Variants in AKR1E2 observed in about 807,000 individuals in gnomAD.
The protein encoded by AKR1E2 is 1,5-anhydro-D-fructose reductase.
AKR1E2 carries 43 observed loss-of-function variants against 41.9 expected under a neutral mutation model. The observed-to-expected ratio is 1.03, with a 90% CI of 0.80 to 1.32. AKR1E2 has a LOEUF of 1.32. Among genes scored for constraint, AKR1E2 ranks in the 40% most tolerant of loss-of-function variants. AKR1E2 has a pLI of 0.00. For synonymous variants in AKR1E2, 121 were observed against 138.9 expected, an observed-to-expected ratio of 0.87 and a Z score of 0.91; for missense variants, 423 against 396.5, an observed-to-expected ratio of 1.07 and a Z score of -0.57.
At position 4,835,925 on chromosome 10, in the gene AKR1E2, G is replaced by T. The variant is rs900026373; in HGVS notation, c.459+116G>T. The stretch of plus-strand genomic sequence containing the variant: ...TCAAGGTTGTCTACCTGAGATGTGG[G>T]GTTTGTGGAGCAAAAAAGGAATCAA... On this transcript the variant is annotated intron_variant, in intron 4 of 9. Transcript: ENST00000298375. The T allele has an allele frequency of 3.6e-6, 5 of 1,407,678 alleles. No individual in the cohort carries two copies. In the African/African-American group the frequency reaches 4.3e-5, roughly 12 times the overall value. The allele number at this position is 1,407,678 out of a possible 1,614,324, so 87.2% of individuals were successfully genotyped here.
chr10:4,863,433 C>T, the AKR1E2 span, among the ~76,000 whole-genome samples: 7 of 151,956 alleles, frequency 4.6e-5, no homozygotes, highest in Non-Finnish European at 7.4e-5. Flanking sequence ...ACACAACATA[C>T]CAGAATCTCT....
rs760983725 is a variant in AKR1E2 at position 4,833,431 on chromosome 10, GACCTCT to G, written c.295_300del (p.Tyr99_Leu100del). The G allele has an allele frequency of 1.2e-6, 2 of 1,614,142 alleles. No individual in the cohort carries two copies. Among genetic ancestry groups the G allele is most frequent in the South Asian group, 2.2e-5 (2 of 91,080 alleles). On this transcript the variant is annotated inframe_deletion, in exon 3 of 10. Transcript: ENST00000298375. Reference sequence around the variant, plus strand: ...CAAGGCCTTGAAGCTGAACTATTTGGACCTCTACCTCATACACTGGCCCATGGGTTT... The same window carrying G: ...CAAGGCCTTGAAGCTGAACTATTTGGACCTCATACACTGGCCCATGGGTTT...
chr10:4,858,465 G>A, the AKR1E2 span, among the ~76,000 whole-genome samples: 1 of 152,178 alleles, frequency 6.6e-6, no homozygotes, highest in Non-Finnish European at 1.5e-5. Flanking sequence ...ATTAAATGGT[G>A]GAGATAGTCA....
chr10:4,834,606 A>G (rs927014915), intron 3 of AKR1E2, among the ~76,000 whole-genome samples: 11 of 152,356 alleles, frequency 7.2e-5, no homozygotes, highest in Middle Eastern at 3.4e-3. Context: ...CAAAGTTGAC[A>G]CTATTAACAT....
At chr10:4,858,650 A>C in the AKR1E2 span, among the ~76,000 whole-genome samples, 1 of 152,138 alleles carries the variant, frequency 6.6e-6, no homozygotes, top group Admixed American at 6.5e-5. Context: ...TATTTCAGGC[A>C]GCTTTTACAA....
chr10:4,871,388 C>T, the AKR1E2 span, among the ~76,000 whole-genome samples: 1 of 151,996 alleles, frequency 6.6e-6, no homozygotes, highest in Non-Finnish European at 1.5e-5. Flanking sequence ...AAAATTAAAA[C>T]CTGGACATTT....
At chr10:4,868,048 G>T in the AKR1E2 span, among the ~76,000 whole-genome samples, 1 of 152,188 alleles carries the variant, frequency 6.6e-6, no homozygotes, top group Non-Finnish European at 1.5e-5. Context: ...GGGAAATAAT[G>T]TGGGCTCTTT....
At chr10:4,831,492 A>C (rs200752393) in intron 2 of AKR1E2, among the ~76,000 whole-genome samples, 5,388 of 152,324 alleles carry the variant, frequency 0.035, 150 homozygotes, top group East Asian at 0.11. Context: ...GACAAGAGAA[A>C]GTGTACAGGG....
Position 4,847,096 on chromosome 10 carries a change from A to G in AKR1E2, c.838-52A>G, listed in dbSNP as rs897312507. On this transcript the variant is annotated intron_variant, in intron 8 of 9. Transcript: ENST00000298375. ...GTGCTATGTAGGTAACATGTGCTCC[A>G]TTAAATGTGAATTAAACTAAGTTTT... 3 of 1,604,276 alleles carry G rather than the reference A, an allele frequency of 1.9e-6. No individual in the cohort carries two copies. In the Admixed American group the frequency reaches 5.0e-5, roughly 27 times the overall value.
upstream of AKR1E2, chr10:4,826,205 C>A: frequency 1.4e-6 from 1 of 730,784 alleles, no homozygotes; most frequent in Non-Finnish European, 1.9e-6. Context: ...GGAGTGTCAG[C>A]CGTCACAAGG....
chr10:4,847,450 C>T, intron 9 of AKR1E2, 38 bp from the exon 10 acceptor site: 1 of 1,602,696 alleles, frequency 6.2e-7, no homozygotes, highest in Non-Finnish European at 8.5e-7. Context: ...AATAATCATT[C>T]TTTGTTCCTA....
downstream of AKR1E2, among the ~76,000 whole-genome samples, chr10:4,850,058 C>G (rs1834494884): frequency 6.6e-6 from 1 of 152,228 alleles, no homozygotes; most frequent in Admixed American, 6.5e-5. Flanking sequence ...GTTCCCTTTT[C>G]AGATGGTAAT....
At chr10:4,865,448 A>G in the AKR1E2 span, among the ~76,000 whole-genome samples, 1 of 152,184 alleles carries the variant, frequency 6.6e-6, no homozygotes, top group Admixed American at 6.5e-5. Flanking sequence ...TAGATAGTAA[A>G]CATTGAAGCT....
At chr10:4,870,459 C>T in the AKR1E2 span, among the ~76,000 whole-genome samples, 33,036 of 151,002 alleles carry the variant, frequency 0.22, 3,810 homozygotes, top group Middle Eastern at 0.34. Flanking sequence ...TTACTTTAGC[C>T]GTTATTTTAG....
chr10:4,836,963 A>C (rs1318445659), intron 4 of AKR1E2, among the ~76,000 whole-genome samples: 1 of 152,174 alleles, frequency 6.6e-6, no homozygotes, highest in Non-Finnish European at 1.5e-5. Flanking sequence ...TCTGCCCTAA[A>C]GTGTCTTAAA....
At position 4,837,885 on chromosome 10, in the gene AKR1E2, T is replaced by C. The variant is rs79092702; in HGVS notation, c.582+304T>C. On this transcript the variant is annotated intron_variant, in intron 5 of 9. Transcript: ENST00000298375. ...CAGGGTCCTGGCAGGTGCCTCACCC[T>C]TATCCAGGAACATGGGCCTCCCCTC... 0.035 allele frequency among the ~76,000 whole-genome samples: 5,309 copies of C among 152,286 alleles called. 150 individuals carry two copies. Among genetic ancestry groups the C allele is most frequent in the East Asian group, 0.11 (592 of 5,172 alleles).
chr10:4,838,913 T>A (rs1833646689), intron 5 of AKR1E2, among the ~76,000 whole-genome samples: 1 of 152,218 alleles, frequency 6.6e-6, no homozygotes, highest in Non-Finnish European at 1.5e-5. Flanking sequence ...GTTAGGTTGA[T>A]GGACACCAGG....
Position 4,841,842 on chromosome 10 carries a change from C to T in AKR1E2, c.738C>T (p.Gly246=), listed in dbSNP as rs754467889. Residue 246 remains glycine (G), a synonymous_variant, in exon 7 of 10, where the codon GGC becomes GGT. Coordinates refer to ENST00000298375, the MANE Select transcript of AKR1E2 (RefSeq NM_001040177.3). The part of the protein sequence containing the change: ...PVIKRIAKEH[G]KSPAQILIRF... Reference sequence around the variant, plus strand: ...TCAAGAGGATTGCAAAGGAGCACGGCAAGTCTCCTGCTCAGGTAGGGAGGG... The same window carrying T: ...TCAAGAGGATTGCAAAGGAGCACGGTAAGTCTCCTGCTCAGGTAGGGAGGG... The T allele has an allele frequency of 1.9e-6, 3 of 1,613,604 alleles. No homozygotes were observed. Among genetic ancestry groups the T allele is most frequent in the Non-Finnish European group, 2.5e-6 (3 of 1,179,818 alleles).
chr10:4,845,138 C>T (rs1395558986), intron 8 of AKR1E2, among the ~76,000 whole-genome samples: 3 of 152,200 alleles, frequency 2.0e-5, no homozygotes, highest in African/African-American at 7.2e-5. Context: ...CCTAGCACGC[C>T]CTCCTCAGCC....
Sources: allele counts gnomAD v4.1 joint callset (sites outside exome capture counted in the v4.1 genomes callset), GRCh38; gene constraint gnomAD v4.1.1; transcripts MANE v1.5; gene names NCBI Gene and HGNC (gene_info 2026-07-23, HGNC 2026-07-21).